Variants in SORCS3 observed in about 807,000 individuals in gnomAD.
The protein encoded by SORCS3 is VPS10 domain-containing receptor SorCS3.
SORCS3 carries 57 observed loss-of-function variants against 146.3 expected under a neutral mutation model. The ratio of observed to expected loss-of-function variants is 0.39; its 90% CI spans 0.31 to 0.49. The LOEUF is 0.49. SORCS3 is among the 20% of genes least tolerant of loss of function. The pLI is 0.92. For missense variants in SORCS3, 1,341 were observed against 1,575.5 expected, an observed-to-expected ratio of 0.85 and a Z score of 2.52; for synonymous variants, 653 against 618.5, an observed-to-expected ratio of 1.06 and a Z score of -0.83.
At chr10:104,662,380 C>T (rs975398675) in intron 1 of SORCS3, among the ~76,000 whole-genome samples, 7 of 152,154 alleles carry the variant, frequency 4.6e-5, no homozygotes, top group African/African-American at 1.4e-4. Flanking sequence ...CATGGTGACT[C>T]GATGAAGTTT....
intron 20 of SORCS3, among the ~76,000 whole-genome samples, chr10:105,230,022 A>T (rs538437990): frequency 1.3e-5 from 2 of 152,270 alleles, no homozygotes; most frequent in South Asian, 2.1e-4. Context: ...CATATCTACA[A>T]TTAGTGAATA....
intron 7 of SORCS3, among the ~76,000 whole-genome samples, chr10:105,116,201 T>G (rs1212350042): frequency 6.6e-6 from 1 of 152,198 alleles, no homozygotes; most frequent in Non-Finnish European, 1.5e-5. Flanking sequence ...GCATACTCCA[T>G]CTCACATCCT....
intron 25 of SORCS3, among the ~76,000 whole-genome samples, chr10:105,261,167 A>G (rs940213369): frequency 1.3e-5 from 2 of 152,198 alleles, no homozygotes; most frequent in Non-Finnish European, 2.9e-5. Context: ...AACATTGCCT[A>G]TTACATCACC....
chr10:105,165,556 G>T (rs2056305575), intron 12 of SORCS3, among the ~76,000 whole-genome samples: 1 of 152,124 alleles, frequency 6.6e-6, no homozygotes, highest in Non-Finnish European at 1.5e-5. Flanking sequence ...GTCAAGTACT[G>T]CAAGGCACAC....
intron 6 of SORCS3, among the ~76,000 whole-genome samples, chr10:105,090,225 A>C (rs1008742143): frequency 6.6e-6 from 1 of 152,150 alleles, no homozygotes; most frequent in Non-Finnish European, 1.5e-5. Flanking sequence ...CTTACCAAAA[A>C]ATGTAATGGG....
chr10:104,697,439 A>G (rs1391587750), intron 1 of SORCS3, among the ~76,000 whole-genome samples: 1 of 152,156 alleles, frequency 6.6e-6, no homozygotes, highest in African/African-American at 2.4e-5. Flanking sequence ...TATCATGTAG[A>G]TTTGGACGAG....
chr10:105,191,921 C>CA (rs1448613415), intron 14 of SORCS3, among the ~76,000 whole-genome samples: 1 of 152,168 alleles, frequency 6.6e-6, no homozygotes, highest in Non-Finnish European at 1.5e-5. Flanking sequence ...GTTGACCATA[C>CA]ACTGAGCCAA....
intron 3 of SORCS3, among the ~76,000 whole-genome samples, chr10:104,927,883 A>AAAG (rs2019165178): frequency 6.6e-6 from 1 of 151,882 alleles, no homozygotes; most frequent in African/African-American, 2.4e-5. Flanking sequence ...GTCTGAAAAA[A>AAAG]AAAAAAGAAG....
intron 5 of SORCS3, among the ~76,000 whole-genome samples, chr10:105,061,879 G>A (rs1481574461): frequency 1.3e-5 from 2 of 152,126 alleles, no homozygotes; most frequent in East Asian, 1.9e-4. Flanking sequence ...GCCATGAGAT[G>A]TGGGCTGCCA....
At chr10:104,690,951 A>G (rs1331354840) in intron 1 of SORCS3, among the ~76,000 whole-genome samples, 3 of 152,218 alleles carry the variant, frequency 2.0e-5, no homozygotes, top group Admixed American at 2.0e-4. Flanking sequence ...GGTCCACTGG[A>G]AAACTCTTCT....
intron 1 of SORCS3, among the ~76,000 whole-genome samples, chr10:104,813,789 A>T (rs2133520685): frequency 6.6e-6 from 1 of 152,210 alleles, no homozygotes; most frequent in East Asian, 1.9e-4. Flanking sequence ...CAGGACGATA[A>T]TGTTTTCATG....
intron 11 of SORCS3, among the ~76,000 whole-genome samples, chr10:105,160,466 A>C (rs2119506837): frequency 6.6e-6 from 1 of 152,208 alleles, no homozygotes; most frequent in South Asian, 2.1e-4. Flanking sequence ...GTCTCTACCA[A>C]AAATACAAAA....
intron 1 of SORCS3, among the ~76,000 whole-genome samples, chr10:104,677,445 C>T (rs2015923607): frequency 2.0e-5 from 3 of 152,210 alleles, no homozygotes; most frequent in Admixed American, 6.5e-5. Flanking sequence ...AGGTTGAATG[C>T]AAATGTGTTT....
At chr10:104,899,253 A>T (rs1435645531) in intron 2 of SORCS3, among the ~76,000 whole-genome samples, 1 of 152,206 alleles carries the variant, frequency 6.6e-6, no homozygotes, top group East Asian at 1.9e-4. Context: ...TAAACAGAGA[A>T]TTCAGCTTAT....
At chr10:105,081,054 T>TA (rs1419994332) in intron 5 of SORCS3, among the ~76,000 whole-genome samples, 1 of 152,220 alleles carries the variant, frequency 6.6e-6, no homozygotes, top group Non-Finnish European at 1.5e-5. Context: ...AGCATATACA[T>TA]ACAGTATATC....
chr10:104,899,432 T>C (rs1313663293), intron 2 of SORCS3, among the ~76,000 whole-genome samples: 1 of 152,178 alleles, frequency 6.6e-6, no homozygotes, highest in Non-Finnish European at 1.5e-5. Flanking sequence ...TAGCAGTCAA[T>C]GTCAGGAGCC....
intron 4 of SORCS3, among the ~76,000 whole-genome samples, chr10:104,988,795 T>C (rs1187538530): frequency 2.6e-5 from 4 of 152,196 alleles, no homozygotes; most frequent in African/African-American, 4.8e-5. Context: ...AGAAGACAAT[T>C]TGTCAAGATT....
intron 9 of SORCS3, among the ~76,000 whole-genome samples, chr10:105,156,387 T>C (rs2056209153): frequency 6.6e-6 from 1 of 152,208 alleles, no homozygotes; most frequent in Admixed American, 6.5e-5. Flanking sequence ...CTAGAACCCT[T>C]CTGGGTGATA....
intron 13 of SORCS3, among the ~76,000 whole-genome samples, chr10:105,177,476 C>G (rs1165429875): frequency 1.3e-5 from 2 of 152,134 alleles, no homozygotes; most frequent in Admixed American, 6.5e-5. Context: ...ATTGCAGGTT[C>G]TGTTTCCACA....
Sources: gnomAD v4.1 joint callset for allele counts (sites outside exome capture counted in the v4.1 genomes callset) on GRCh38, gnomAD v4.1.1 for gene constraint, MANE v1.5 for transcripts, NCBI Gene and HGNC (gene_info 2026-07-23, HGNC 2026-07-21) for gene names.